KDM6A: variants seen among roughly 807,000 people sequenced by gnomAD.
KDM6A encodes the protein lysine-specific demethylase 6A.
In KDM6A, 11 loss-of-function variants were observed where a neutral mutation model predicts 117.6. That is an observed-to-expected ratio of 0.09 (90% confidence interval 0.06 to 0.15). The LOEUF (loss-of-function observed/expected upper bound fraction) is 0.15. Ranked by LOEUF, KDM6A falls within the 10% of genes least tolerant of loss-of-function variation. The pLI is 1.00. For synonymous variants in KDM6A, 384 were observed against 396.1 expected (o/e 0.97, Z 0.36); for missense variants, 799 against 1,077.3 (o/e 0.74, Z 3.62).
At chrX:45,075,387 T>A (rs1409902656) in intron 18 of KDM6A, among the ~76,000 whole-genome samples, 1 of 111,695 alleles carries the variant, frequency 9.0e-6, no homozygotes, top group Non-Finnish European at 1.9e-5. Context: ...CACATGTGCT[T>A]TGTGGAAAGA....
At chrX:44,897,823 C>T (rs2146662275) in intron 2 of KDM6A, among the ~76,000 whole-genome samples, 1 of 111,580 alleles carries the variant, frequency 9.0e-6, no homozygotes, top group Non-Finnish European at 1.9e-5. Flanking sequence ...TCCGCTGCTT[C>T]AGCCTCTTGA....
chrX:44,975,727 A>G (rs1005441630), intron 4 of KDM6A, among the ~76,000 whole-genome samples: 3 of 112,129 alleles, frequency 2.7e-5, no homozygotes, highest in African/African-American at 9.7e-5. Flanking sequence ...TAGAGGCAGG[A>G]GGCAGACAAA....
intron 2 of KDM6A, among the ~76,000 whole-genome samples, chrX:44,887,146 C>G (rs1456556209): frequency 2.7e-5 from 3 of 109,998 alleles, no homozygotes; most frequent in Non-Finnish European, 3.8e-5. Context: ...TCTCAAACTC[C>G]TAACCTCAAG....
At chrX:44,960,972 A>G (rs1367978782) in intron 2 of KDM6A, among the ~76,000 whole-genome samples, 1 of 112,099 alleles carries the variant, frequency 8.9e-6, no homozygotes, top group Non-Finnish European at 1.9e-5. Context: ...AACAGGGACC[A>G]CAGTAATAAT....
chrX:44,889,471 T>A (rs767503734), intron 2 of KDM6A, among the ~76,000 whole-genome samples: 33 of 111,681 alleles, frequency 3.0e-4, no homozygotes, highest in Non-Finnish European at 4.0e-4. Context: ...TTAAAAAAAA[T>A]TTTTTTTTAA....
At chrX:44,924,584 A>G (rs770379287) in intron 2 of KDM6A, among the ~76,000 whole-genome samples, 1 of 110,338 alleles carries the variant, frequency 9.1e-6, no homozygotes, top group Non-Finnish European at 1.9e-5. Context: ...TTGTGGGAGC[A>G]CAACTGTGTT....
Position 44,961,142 on chromosome X carries a change from T to C in KDM6A, c.226-142T>C, listed in dbSNP as rs1038920050. On this transcript the variant is annotated intron_variant, in intron 2 of 29. Transcript: ENST00000611820. ...GCTGTTCCTTCTATAGAATGTTGTA[T>C]TGAATATGTCTAAGATAGAAGTGAA... 2.0e-4 allele frequency: 87 copies of C among 431,722 alleles called. No homozygotes were observed. The African/African-American group carries it at 2.1e-3, about 10-fold the overall frequency. The allele number at this position is 431,722 out of a possible 1,213,427, so 35.6% of individuals were successfully genotyped here. A position where few individuals can be genotyped will look rare whatever the true frequency, so the allele number is the denominator to read the frequency against.
At chrX:45,109,180 TAA>T (rs201347477) in intron 28 of KDM6A, among the ~76,000 whole-genome samples, 39 of 100,191 alleles carry the variant, frequency 3.9e-4, no homozygotes, top group South Asian at 8.8e-4. Context: ...AAAGTACCTG[TAA>T]AAAAAAAAAA....
chrX:45,030,846 C>T (rs2147749247), intron 6 of KDM6A, among the ~76,000 whole-genome samples: 1 of 110,913 alleles, frequency 9.0e-6, no homozygotes, highest in African/African-American at 3.3e-5. Context: ...AGGCATGTGC[C>T]ACCATACCCT....
rs780602104 is a variant in KDM6A at position 45,094,123 on chromosome X, T to C, written c.4034+3259T>C. Among the ~76,000 whole-genome samples the C allele has an allele frequency of 4.2e-4, 47 of 111,899 alleles. 1 individual carries two copies. In the Middle Eastern group the frequency reaches 0.023, roughly 55 times the overall value. On this transcript the variant is annotated intron_variant, in intron 27 of 29. Coordinates refer to ENST00000611820, the MANE Select transcript of KDM6A (RefSeq NM_001291415.2). ...TGTCATTGAGCCATTGCTAAAAATGTACTTTTCAGCAGCCAACATGGCTCC... is the reference window on the plus strand; with the variant it reads ...TGTCATTGAGCCATTGCTAAAAATGCACTTTTCAGCAGCCAACATGGCTCC...
At chrX:44,958,614 T>TTTC (rs1476617116) in intron 2 of KDM6A, among the ~76,000 whole-genome samples, 1 of 94,539 alleles carries the variant, frequency 1.1e-5, no homozygotes, top group African/African-American at 4.1e-5. Context: ...CTTTTTTTTT[T>TTTC]TTTTTTTTTT....
At chrX:44,975,680 A>C (rs2147268613) in intron 4 of KDM6A, among the ~76,000 whole-genome samples, 1 of 111,881 alleles carries the variant, frequency 8.9e-6, no homozygotes, top group African/African-American at 3.2e-5. Context: ...TATACAAATC[A>C]GTGATTTTTA....
chrX:44,901,019 G>T (rs2034307286), intron 2 of KDM6A, among the ~76,000 whole-genome samples: 1 of 112,390 alleles, frequency 8.9e-6, no homozygotes, highest in Admixed American at 9.4e-5. Flanking sequence ...ATTTGTTCCT[G>T]TTACTGATTT....
At chrX:44,953,722 A>G (rs2038154565) in intron 2 of KDM6A, among the ~76,000 whole-genome samples, 1 of 111,971 alleles carries the variant, frequency 8.9e-6, no homozygotes, top group African/African-American at 3.3e-5. Context: ...TTTCAAAAAT[A>G]GTAAATGAAA....
intron 3 of KDM6A, among the ~76,000 whole-genome samples, chrX:44,966,458 T>A (rs2039016539): frequency 9.0e-6 from 1 of 111,182 alleles, no homozygotes; most frequent in African/African-American, 3.3e-5. Context: ...AAAATTTTGG[T>A]TATGAAGGTA....
intron 2 of KDM6A, among the ~76,000 whole-genome samples, chrX:44,891,444 T>C (rs185993283): frequency 1.8e-5 from 2 of 111,694 alleles, no homozygotes; most frequent in Admixed American, 1.9e-4. Context: ...CGTATATATT[T>C]GTAGGGGTTT....
intron 13 of KDM6A, 124 bp downstream of exon 13, chrX:45,060,280 T>C: frequency 9.4e-7 from 1 of 1,068,777 alleles, no homozygotes; most frequent in Non-Finnish European, 1.3e-6. Context: ...TTGATTTAAT[T>C]GCAAAGGGAA....
chrX:45,107,878 G>C, intron 28 of KDM6A, among the ~76,000 whole-genome samples: 1 of 111,785 alleles, frequency 8.9e-6, no homozygotes, highest in Middle Eastern at 4.6e-3. Context: ...ACTCTAGGCA[G>C]ATCGATTATC....
chrX:44,947,760 T>TA (rs889449942), intron 2 of KDM6A, among the ~76,000 whole-genome samples: 1 of 111,801 alleles, frequency 8.9e-6, no homozygotes, highest in Non-Finnish European at 1.9e-5. Context: ...AAATAACATT[T>TA]AAAAAATTGG....
Sources: allele counts gnomAD v4.1 joint callset (sites outside exome capture counted in the v4.1 genomes callset), GRCh38; gene constraint gnomAD v4.1.1; transcripts MANE v1.5; gene names NCBI Gene and HGNC (gene_info 2026-07-23, HGNC 2026-07-21).